Variants in SUSD4 observed in about 807,000 individuals in gnomAD.
SUSD4 encodes sushi domain-containing protein 4.
A neutral mutation model predicts 50.5 loss-of-function variants in SUSD4; 41 were observed. That is an observed-to-expected ratio of 0.81 (90% CI 0.63 to 1.05). The LOEUF is 1.05. Ranked by LOEUF, SUSD4 falls within the 50% of genes least tolerant of loss-of-function variation. SUSD4 has a pLI of 0.00. For missense variants in SUSD4, 580 were observed against 634.7 expected, an observed-to-expected ratio of 0.91 and a Z score of 0.93; for synonymous variants, 257 against 257.3, an observed-to-expected ratio of 1.00 and a Z score of 0.01.
intron 2 of SUSD4, among the ~76,000 whole-genome samples, chr1:223,317,231 GT>G (rs1219178335): frequency 6.6e-6 from 1 of 152,144 alleles, no homozygotes; most frequent in Non-Finnish European, 1.5e-5. Flanking sequence ...GTGGTCTCTG[GT>G]CATCCTCACT....
intron 5 of SUSD4, among the ~76,000 whole-genome samples, chr1:223,233,900 C>T (rs1035708358): frequency 1.3e-5 from 2 of 152,172 alleles, no homozygotes; most frequent in African/African-American, 4.8e-5. Flanking sequence ...GGAGTCTGGA[C>T]ATTCAGTGGT....
At chr1:223,297,444 A>G (rs1664900556) in intron 2 of SUSD4, among the ~76,000 whole-genome samples, 1 of 152,220 alleles carries the variant, frequency 6.6e-6, no homozygotes. Flanking sequence ...AGTGACGGAG[A>G]GACAGGTGGG....
chr1:223,352,652 G>C (rs992107565), intron 2 of SUSD4, among the ~76,000 whole-genome samples: 1 of 152,132 alleles, frequency 6.6e-6, no homozygotes, highest in African/African-American at 2.4e-5. Context: ...GGAATCCCAA[G>C]ATCTCCAGCC....
chr1:223,311,559 C>T (rs181394353), intron 2 of SUSD4, among the ~76,000 whole-genome samples: 1 of 152,246 alleles, frequency 6.6e-6, no homozygotes, highest in Admixed American at 6.5e-5. Context: ...TGGCATGTTA[C>T]AGTAGTGACG....
intron 2 of SUSD4, among the ~76,000 whole-genome samples, chr1:223,315,882 T>C (rs181536122): frequency 2.5e-4 from 38 of 152,324 alleles, no homozygotes; most frequent in African/African-American, 7.2e-4. Context: ...ATTAGAAGTC[T>C]TGATTGCAAG....
At chr1:223,325,501 G>A (rs1666823942) in intron 2 of SUSD4, among the ~76,000 whole-genome samples, 2 of 152,154 alleles carry the variant, frequency 1.3e-5, no homozygotes, top group Admixed American at 1.3e-4. Context: ...AAGAACAAGA[G>A]AAAATGACTT....
intron 2 of SUSD4, among the ~76,000 whole-genome samples, chr1:223,345,546 T>G (rs1667984637): frequency 6.6e-6 from 1 of 152,192 alleles, no homozygotes. Flanking sequence ...ACAGTCCCTG[T>G]GTCCCTCAGT....
chr1:223,261,989 T>C (rs1370824743), intron 5 of SUSD4, among the ~76,000 whole-genome samples: 5 of 152,136 alleles, frequency 3.3e-5, no homozygotes, highest in African/African-American at 1.2e-4. Context: ...GTGAAGTGAT[T>C]GAGTAGGATG....
At chr1:223,280,029 C>A (rs1663585132) in intron 3 of SUSD4, among the ~76,000 whole-genome samples, 1 of 152,102 alleles carries the variant, frequency 6.6e-6, no homozygotes, top group Admixed American at 6.6e-5. Context: ...TACAGACAAG[C>A]AAATGCTGAG....
intron 1 of SUSD4, 57 bp from the exon 2 acceptor site, chr1:223,363,517 G>T (rs993652425): frequency 5.8e-6 from 8 of 1,374,608 alleles, no homozygotes; most frequent in Non-Finnish European, 7.7e-6. Context: ...CGGGGGCCAC[G>T]CTCCCCCTCC....
At chr1:223,305,431 A>T (rs898359257) in intron 2 of SUSD4, among the ~76,000 whole-genome samples, 5 of 152,200 alleles carry the variant, frequency 3.3e-5, no homozygotes, top group African/African-American at 1.2e-4. Flanking sequence ...GCAAAAAAGG[A>T]GGCTGAAGAC....
At chr1:223,249,744 A>G (rs1177055519) in intron 5 of SUSD4, among the ~76,000 whole-genome samples, 2 of 152,254 alleles carry the variant, frequency 1.3e-5, no homozygotes, top group Non-Finnish European at 2.9e-5. Flanking sequence ...ATAGAATTTT[A>G]TCAGTATTTC....
intron 2 of SUSD4, among the ~76,000 whole-genome samples, chr1:223,350,855 G>A (rs1668319089): frequency 1.3e-5 from 2 of 152,122 alleles, no homozygotes; most frequent in African/African-American, 4.8e-5. Flanking sequence ...TCCCACATTT[G>A]TAACTTGGTA....
chr1:223,248,453 T>C (rs983490062), intron 5 of SUSD4, among the ~76,000 whole-genome samples: 2 of 152,222 alleles, frequency 1.3e-5, no homozygotes, highest in African/African-American at 4.8e-5. Context: ...ATTTGGGTAA[T>C]GATTCCAGGA....
intron 2 of SUSD4, among the ~76,000 whole-genome samples, chr1:223,297,621 T>G (rs962968628): frequency 2.0e-5 from 3 of 152,148 alleles, no homozygotes; most frequent in African/African-American, 7.2e-5. Flanking sequence ...TAGTGCCTCT[T>G]CCAGAGAGCC....
rs59885860 is a variant in SUSD4 at position 223,268,013 on chromosome 1, TTATATATATATATATA to T, written c.535+473_535+488del. 9.2e-3 allele frequency among the ~76,000 whole-genome samples: 490 copies of T among 53,382 alleles called. 36 individuals carry two copies. Among genetic ancestry groups the T allele is most frequent in the Middle Eastern group, 0.029 (2 of 68 alleles). The allele number at this position is 53,382 out of a possible 152,430, so 35.0% of individuals were successfully genotyped here. ...AATTTTTCTGCTCTTCATGCATTTT[TTATATATATATATATA>T]TATATATATATATACACACACACTG... On this transcript the variant is annotated intron_variant, in intron 4 of 8. Transcript: ENST00000366878.
chr1:223,234,815 G>A (rs562042057), intron 5 of SUSD4: 4 of 1,218,552 alleles, frequency 3.3e-6, no homozygotes, highest in Admixed American at 3.3e-5. Flanking sequence ...AGAGGCCAAC[G>A]TTTCTAACAC....
At chr1:223,362,722 A>T (rs1432680313) in intron 2 of SUSD4, among the ~76,000 whole-genome samples, 1 of 152,166 alleles carries the variant, frequency 6.6e-6, no homozygotes, top group Admixed American at 6.5e-5. Context: ...CCACGCCCCC[A>T]ACATACACAT....
At chr1:223,281,720 C>T (rs938375886) in intron 3 of SUSD4, among the ~76,000 whole-genome samples, 5 of 152,160 alleles carry the variant, frequency 3.3e-5, no homozygotes, top group African/African-American at 4.8e-5. Context: ...AAGAGGGAAT[C>T]CTCCCTAACT....
Sources: allele counts gnomAD v4.1 joint callset (sites outside exome capture counted in the v4.1 genomes callset), GRCh38; gene constraint gnomAD v4.1.1; transcripts MANE v1.5; gene names NCBI Gene and HGNC (gene_info 2026-07-23, HGNC 2026-07-21).